Variants in LINGO2 observed in about 807,000 individuals in gnomAD.
The protein encoded by LINGO2 is leucine rich repeat and Ig domain containing 2, also known as leucine-rich repeat and immunoglobulin-like domain-containing nogo receptor-interacting protein 2.
Under a neutral mutation model 30.6 loss-of-function variants are expected in LINGO2, and 14 were observed. The observed-to-expected ratio is 0.46, with a 90% CI of 0.30 to 0.72. LINGO2 has a LOEUF of 0.72. LINGO2 is among the 30% of genes least tolerant of loss of function. The pLI is 0.07. For synonymous variants in LINGO2, 317 were observed against 288.5 expected (o/e 1.10, Z -1.00); for missense variants, 729 against 751.7 (o/e 0.97, Z 0.35).
chr9:28,282,220 G>A (rs951878332), intron 4 of LINGO2, among the ~76,000 whole-genome samples: 1 of 152,080 alleles, frequency 6.6e-6, no homozygotes, highest in Non-Finnish European at 1.5e-5. Context: ...AATGCATCAT[G>A]TTGACTAGAA....
chr9:29,114,380 TTTATTATTATTATTA>T, the LINGO2 span, among the ~76,000 whole-genome samples: 64 of 143,314 alleles, frequency 4.5e-4, no homozygotes, highest in Middle Eastern at 7.2e-3. Context: ...ATTTTTTTCT[TTTATTATTATTATTA>T]TTATTATTAT....
intron 4 of LINGO2, among the ~76,000 whole-genome samples, chr9:28,244,041 T>A (rs1370254781): frequency 2.6e-5 from 4 of 152,200 alleles, no homozygotes; most frequent in Admixed American, 2.6e-4. Flanking sequence ...CAGAGCCACA[T>A]GGGACTTATG....
At chr9:29,062,362 G>A in the LINGO2 span, among the ~76,000 whole-genome samples, 25 of 152,028 alleles carry the variant, frequency 1.6e-4, no homozygotes, top group African/African-American at 6.0e-4. Context: ...ATTAAAAGCA[G>A]GGCTTCAAAG....
At chr9:28,062,077 C>A (rs889321579) in intron 4 of LINGO2, among the ~76,000 whole-genome samples, 1 of 151,984 alleles carries the variant, frequency 6.6e-6, no homozygotes, top group Non-Finnish European at 1.5e-5. Context: ...GAGGGACAAG[C>A]CTGATTAGGT....
At chr9:28,070,734 T>C (rs7043260) in intron 4 of LINGO2, among the ~76,000 whole-genome samples, 138,934 of 152,124 alleles carry the variant, frequency 0.91, 63,955 homozygotes, top group East Asian at 1. Flanking sequence ...TTTTTTGAGA[T>C]GGGGTCTTGC....
chr9:28,178,727 T>G (rs1250058279), intron 4 of LINGO2, among the ~76,000 whole-genome samples: 2 of 152,184 alleles, frequency 1.3e-5, no homozygotes, highest in Non-Finnish European at 2.9e-5. Context: ...ATGTTTTTAT[T>G]CTGGTGATTA....
the LINGO2 span, among the ~76,000 whole-genome samples, chr9:28,704,066 A>G: frequency 1.3e-5 from 2 of 151,986 alleles, no homozygotes; most frequent in Admixed American, 6.6e-5. Context: ...TTTCTGACCT[A>G]TATATTTTCC....
At chr9:28,856,795 C>G in the LINGO2 span, among the ~76,000 whole-genome samples, 3 of 152,022 alleles carry the variant, frequency 2.0e-5, no homozygotes, top group Admixed American at 2.0e-4. Flanking sequence ...TAGATGAAGA[C>G]AGACCACTTA....
intron 5 of LINGO2, among the ~76,000 whole-genome samples, chr9:27,958,630 C>G (rs1343094400): frequency 6.6e-6 from 1 of 152,068 alleles, no homozygotes; most frequent in East Asian, 1.9e-4. Flanking sequence ...TTTTTAAAAT[C>G]TTGTATTGTG....
chr9:29,042,787 A>C, the LINGO2 span, among the ~76,000 whole-genome samples: 1 of 151,928 alleles, frequency 6.6e-6, no homozygotes, highest in African/African-American at 2.4e-5. Context: ...AATTTGGATA[A>C]ATCTTGAGGG....
chr9:28,983,644 A>T, the LINGO2 span, among the ~76,000 whole-genome samples: 2 of 151,950 alleles, frequency 1.3e-5, no homozygotes, highest in African/African-American at 4.8e-5. Flanking sequence ...TTAAATAAGT[A>T]TTTATTAAAT....
intron 4 of LINGO2, among the ~76,000 whole-genome samples, chr9:28,200,759 A>T (rs1820201034): frequency 1.3e-5 from 2 of 152,164 alleles, no homozygotes; most frequent in African/African-American, 4.8e-5. Flanking sequence ...CTTACCACAA[A>T]TTTCTATATG....
chr9:28,918,483 C>T, the LINGO2 span, among the ~76,000 whole-genome samples: 2 of 152,276 alleles, frequency 1.3e-5, no homozygotes, highest in Admixed American at 6.5e-5. Context: ...TTAATCCCTC[C>T]CATTCCTCCT....
chr9:28,058,865 T>C (rs973624920), intron 4 of LINGO2, among the ~76,000 whole-genome samples: 27 of 152,182 alleles, frequency 1.8e-4, no homozygotes, highest in African/African-American at 6.3e-4. Context: ...TCTAAACTAC[T>C]GTTAAAACTT....
At chr9:29,090,810 T>C in the LINGO2 span, among the ~76,000 whole-genome samples, 2 of 152,004 alleles carry the variant, frequency 1.3e-5, no homozygotes, top group African/African-American at 4.8e-5. Flanking sequence ...TCAATGTCAC[T>C]AGATTATATA....
At chr9:28,719,203 C>T in the LINGO2 span, among the ~76,000 whole-genome samples, 68 of 152,140 alleles carry the variant, frequency 4.5e-4, no homozygotes, top group African/African-American at 1.5e-3. Context: ...CATTTGAGAG[C>T]ACACTCCTTG....
intron 3 of LINGO2, among the ~76,000 whole-genome samples, chr9:28,357,616 C>T (rs1405760125): frequency 3.3e-5 from 5 of 151,918 alleles, no homozygotes; most frequent in African/African-American, 1.2e-4. Context: ...AACATTTTTA[C>T]TTAGATAATG....
intron 4 of LINGO2, among the ~76,000 whole-genome samples, chr9:28,246,726 C>A (rs572254611): frequency 6.6e-6 from 1 of 152,044 alleles, no homozygotes; most frequent in Non-Finnish European, 1.5e-5. Context: ...CCAGAAGCAA[C>A]TGTAACAAAA....
chr9:28,496,404 C>A (rs182620310), intron 1 of LINGO2, among the ~76,000 whole-genome samples: 1 of 151,690 alleles, frequency 6.6e-6, no homozygotes, highest in Admixed American at 6.5e-5. Context: ...GATCCCTTTA[C>A]CATTATGTAA....
Sources: gnomAD v4.1 joint callset for allele counts (sites outside exome capture counted in the v4.1 genomes callset) on GRCh38, gnomAD v4.1.1 for gene constraint, MANE v1.5 for transcripts, NCBI Gene and HGNC (gene_info 2026-07-23, HGNC 2026-07-21) for gene names.